XIRP2: variants seen among roughly 807,000 people sequenced by gnomAD.
XIRP2 encodes xin actin binding repeat containing 2, also known as xin actin-binding repeat-containing protein 2.
XIRP2 carries 236 observed loss-of-function variants against 277.0 expected under a neutral mutation model. The observed-to-expected ratio is 0.85, with a 90% confidence interval of 0.77 to 0.95. XIRP2 has a LOEUF of 0.95. Ranked by LOEUF, XIRP2 falls within the 40% of genes least tolerant of loss-of-function variation. The probability of loss-of-function intolerance (pLI) is 0.00; values close to 1 mark genes in which losing one functional copy is unlikely to be tolerated. For missense variants in XIRP2, 4,640 were observed against 4,157.5 expected, an observed-to-expected ratio of 1.12 and a Z score of -3.19; for synonymous variants, 1,490 against 1,416.5, an observed-to-expected ratio of 1.05 and a Z score of -1.17.
chr2:166,915,161 T>A (rs1684827180), intron 2 of XIRP2, among the ~76,000 whole-genome samples: 1 of 148,468 alleles, frequency 6.7e-6, no homozygotes, highest in Non-Finnish European at 1.5e-5. Flanking sequence ...ATTAGCCAGG[T>A]GTGGTGGTGG....
chr2:167,242,679 T>C lies in XIRP2; in HGVS notation c.1287T>C (p.Ser429=). 2.5e-6 allele frequency: 4 copies of C among 1,614,144 alleles called. No homozygotes were observed. The highest frequency in any genetic ancestry group is 3.4e-6 in the Non-Finnish European group (4 of 1,180,004). The change falls in exon 9 of 11, where the codon AGT becomes AGC. Residue 429 remains serine, a synonymous_variant. Coordinates refer to ENST00000409195, the MANE Select transcript of XIRP2 (RefSeq NM_152381.6). ...AGGAAACATCAACTACAAGATATAGTGATCACAGTGTCACTTCCTCAACTC... is the reference window on the plus strand; with the variant it reads ...AGGAAACATCAACTACAAGATATAGCGATCACAGTGTCACTTCCTCAACTC... ...QRKETSTTRY[S]DHSVTSSTLA...
At chr2:167,123,127 C>T (rs1248396305) in intron 2 of XIRP2, among the ~76,000 whole-genome samples, 1 of 152,108 alleles carries the variant, frequency 6.6e-6, no homozygotes, top group East Asian at 1.9e-4. Flanking sequence ...AAAATGTTTG[C>T]CTGTGGCTTG....
chr2:167,251,522 G>A lies in XIRP2; in HGVS notation c.10130G>A (p.Gly3377Glu), dbSNP rs16853333. The change falls in exon 9 of 11, where the codon GGA (glycine) becomes GAA (glutamate). Residue 3377 changes from glycine (G) to glutamate (E), a missense_variant. Coordinates refer to ENST00000409195, the MANE Select transcript of XIRP2 (RefSeq NM_152381.6). ...CGTACATTTTGTAAGGAGGAATTTG[G>A]ATTAACATCTTTAGGAAACACGAGT... ...ESRTFCKEEF[G>E]LTSLGNTSFT... 0.018 allele frequency: 28,488 copies of A among 1,613,454 alleles called. 493 individuals carry two copies. The highest frequency in any genetic ancestry group is 0.066 in the Middle Eastern group (398 of 6,052).
intron 2 of XIRP2, among the ~76,000 whole-genome samples, chr2:166,989,535 G>A (rs1378895468): frequency 2.0e-4 from 8 of 39,156 alleles, no homozygotes; most frequent in Admixed American, 1.6e-3. Context: ...AGCTACAGGA[G>A]GACATTCAAA....
intron 2 of XIRP2, among the ~76,000 whole-genome samples, chr2:166,978,645 TTCA>T (rs1686777905): frequency 6.6e-6 from 1 of 152,182 alleles, no homozygotes. Flanking sequence ...AAGAAATTGC[TTCA>T]TCATGTTTAT....
chr2:167,033,501 T>C (rs1010422149), intron 2 of XIRP2, among the ~76,000 whole-genome samples: 1 of 152,164 alleles, frequency 6.6e-6, no homozygotes, highest in African/African-American at 2.4e-5. Context: ...GAGAAATATA[T>C]CAATATTCAA....
intron 2 of XIRP2, among the ~76,000 whole-genome samples, chr2:166,919,745 A>G (rs747055550): frequency 6.6e-6 from 1 of 152,142 alleles, no homozygotes; most frequent in Non-Finnish European, 1.5e-5. Flanking sequence ...ACAAGAAATA[A>G]AAACAAGAAA....
chr2:167,091,119 G>A (rs1017323800), intron 2 of XIRP2, among the ~76,000 whole-genome samples: 2 of 152,126 alleles, frequency 1.3e-5, no homozygotes, highest in African/African-American at 4.8e-5. Flanking sequence ...CTTTGAATGT[G>A]AGCTGGAATG....
At chr2:166,971,824 T>A (rs1216125608) in intron 2 of XIRP2, among the ~76,000 whole-genome samples, 1 of 152,150 alleles carries the variant, frequency 6.6e-6, no homozygotes, top group African/African-American at 2.4e-5. Flanking sequence ...AAATCACAGT[T>A]TGCAAGAGTA....
chr2:167,160,884 G>A (rs111999967), intron 3 of XIRP2, among the ~76,000 whole-genome samples: 15,076 of 152,198 alleles, frequency 0.099, 799 homozygotes, highest in South Asian at 0.16. Context: ...AGTTCCTTCC[G>A]CCTGTGAGCC....
chr2:167,060,204 A>T (rs925039170), intron 2 of XIRP2, among the ~76,000 whole-genome samples: 8 of 152,236 alleles, frequency 5.3e-5, no homozygotes, highest in African/African-American at 1.9e-4. Flanking sequence ...CGGGGGAAAA[A>T]AAGGACCAGA....
chr2:167,059,129 C>G, intron 2 of XIRP2, among the ~76,000 whole-genome samples: 1 of 103,060 alleles, frequency 9.7e-6, no homozygotes, highest in African/African-American at 4.0e-5. Flanking sequence ...TTTTTTGAGA[C>G]AGAGTCCTGC....
intron 5 of XIRP2, among the ~76,000 whole-genome samples, chr2:167,236,725 G>T (rs1185876081): frequency 6.6e-6 from 1 of 152,042 alleles, no homozygotes; most frequent in Non-Finnish European, 1.5e-5. Context: ...AATAACATTT[G>T]TCTCTTGCAG....
intron 2 of XIRP2, among the ~76,000 whole-genome samples, chr2:166,950,233 T>G: frequency 6.6e-6 from 1 of 152,080 alleles, no homozygotes; most frequent in Non-Finnish European, 1.5e-5. Flanking sequence ...AGTATTTGTT[T>G]ATGCAGCAAC....
intron 2 of XIRP2, among the ~76,000 whole-genome samples, chr2:167,005,336 T>A (rs553690564): frequency 6.6e-6 from 1 of 152,004 alleles, no homozygotes; most frequent in South Asian, 2.1e-4. Context: ...TGTTTGCCAA[T>A]GAAGTCACTG....
intron 2 of XIRP2, among the ~76,000 whole-genome samples, chr2:167,073,342 A>G (rs978540360): frequency 2.0e-5 from 3 of 152,148 alleles, no homozygotes; most frequent in Non-Finnish European, 4.4e-5. Flanking sequence ...TTTGTAATAT[A>G]AATAACAATG....
intron 3 of XIRP2, among the ~76,000 whole-genome samples, chr2:167,171,334 T>C (rs1692684492): frequency 6.6e-6 from 1 of 152,182 alleles, no homozygotes; most frequent in Non-Finnish European, 1.5e-5. Flanking sequence ...TCTGATTTAT[T>C]CTTCTACTCA....
chr2:167,259,443 T>A lies in XIRP2; in HGVS notation c.*1626T>A, dbSNP rs919420853. The A allele has an allele frequency of 1.4e-6, 2 of 1,405,286 alleles. No individual in the cohort carries two copies. The highest frequency in any genetic ancestry group is 2.9e-5 in the African/African-American group (2 of 68,498). 87.1% of individuals were successfully genotyped at this position (1,405,286 alleles called of 1,614,324 possible). A position where few individuals can be genotyped will look rare whatever the true frequency, so the allele number is the denominator to read the frequency against. On this transcript the variant is annotated 3_prime_UTR_variant, in exon 11 of 11. Transcript: ENST00000409195. ...TGAAATAAGATTTTATGAATTTGGATACCCTTTTGAGGAACTTGATGTAAA... is the reference window on the plus strand; with the variant it reads ...TGAAATAAGATTTTATGAATTTGGAAACCCTTTTGAGGAACTTGATGTAAA...
intron 2 of XIRP2, among the ~76,000 whole-genome samples, chr2:166,923,134 C>G (rs1238883173): frequency 6.6e-6 from 1 of 151,944 alleles, no homozygotes. Flanking sequence ...TTGATAATAA[C>G]TTAGGAGTGG....
Sources: gnomAD v4.1 joint callset for allele counts (sites outside exome capture counted in the v4.1 genomes callset) on GRCh38, gnomAD v4.1.1 for gene constraint, MANE v1.5 for transcripts, NCBI Gene and HGNC (gene_info 2026-07-23, HGNC 2026-07-21) for gene names.